NRXN1: variants seen among roughly 807,000 people sequenced by gnomAD.
The protein encoded by NRXN1 is neurexin 1.
Under a neutral mutation model 150.9 loss-of-function variants are expected in NRXN1, and 39 were observed. That is an observed-to-expected ratio of 0.26 (90% CI 0.20 to 0.34). NRXN1 has a LOEUF of 0.34. NRXN1 is among the 10% of genes least tolerant of loss of function. The pLI is 1.00. For missense variants in NRXN1, 1,815 were observed against 1,949.9 expected, an observed-to-expected ratio of 0.93 and a Z score of 1.30; for synonymous variants, 924 against 757.0, an observed-to-expected ratio of 1.22 and a Z score of -3.62.
intron 22 of NRXN1, among the ~76,000 whole-genome samples, chr2:49,937,068 T>A (rs1372510103): frequency 2.6e-5 from 4 of 152,198 alleles, no homozygotes; most frequent in African/African-American, 9.6e-5. Context: ...TTGGGAGCCA[T>A]CTCTTCGTAA....
chr2:50,717,891 G>A (rs973831441), intron 5 of NRXN1, among the ~76,000 whole-genome samples: 4 of 152,044 alleles, frequency 2.6e-5, no homozygotes, highest in Non-Finnish European at 5.9e-5. Flanking sequence ...ATTCATGAGG[G>A]TTTCACTCTC....
intron 2 of NRXN1, among the ~76,000 whole-genome samples, chr2:51,019,366 C>T (rs1178416905): frequency 2.0e-5 from 3 of 152,006 alleles, no homozygotes; most frequent in Non-Finnish European, 4.4e-5. Flanking sequence ...CTGCATAATG[C>T]CTTTCACTCG....
At chr2:49,988,338 G>A (rs1209390481) in intron 21 of NRXN1, among the ~76,000 whole-genome samples, 1 of 151,118 alleles carries the variant, frequency 6.6e-6, no homozygotes, top group Admixed American at 6.6e-5. Flanking sequence ...TGTACATACT[G>A]AAAAGAAGAC....
At chr2:50,201,797 T>C (rs2062185904) in intron 18 of NRXN1, among the ~76,000 whole-genome samples, 1 of 152,212 alleles carries the variant, frequency 6.6e-6, no homozygotes, top group Non-Finnish European at 1.5e-5. Flanking sequence ...TGACCCTGGC[T>C]ATAGACAGCC....
chr2:50,660,709 C>A (rs1559088883), intron 5 of NRXN1, among the ~76,000 whole-genome samples: 2 of 151,966 alleles, frequency 1.3e-5, no homozygotes, highest in South Asian at 2.1e-4. Flanking sequence ...AGGAAGCAGG[C>A]CAGTGCCATA....
At chr2:50,651,757 A>G (rs575547795) in intron 5 of NRXN1, among the ~76,000 whole-genome samples, 12 of 152,114 alleles carry the variant, frequency 7.9e-5, no homozygotes, top group African/African-American at 2.9e-4. Context: ...ATTACTCACA[A>G]TGATGGGATT....
At chr2:50,535,095 T>C (rs1449201871) in intron 10 of NRXN1, among the ~76,000 whole-genome samples, 1 of 152,104 alleles carries the variant, frequency 6.6e-6, no homozygotes, top group African/African-American at 2.4e-5. Context: ...ACAATTAGAG[T>C]TAATGTTTAA....
At chr2:50,250,974 T>TATGTAATAAATTTATTACATATG (rs1559172060) in intron 17 of NRXN1, among the ~76,000 whole-genome samples, 6 of 149,348 alleles carry the variant, frequency 4.0e-5, no homozygotes, top group African/African-American at 1.5e-4. Context: ...TATTACACAT[T>TATGTAATAAATTTATTACATATG]GCATATGTAA....
At chr2:50,967,831 C>G (rs745737170) in intron 2 of NRXN1, among the ~76,000 whole-genome samples, 9 of 151,814 alleles carry the variant, frequency 5.9e-5, no homozygotes, top group Non-Finnish European at 1.3e-4. Flanking sequence ...TTTGATGAGT[C>G]TGTGTTATTT....
At chr2:50,385,328 C>A (rs1194603114) in intron 17 of NRXN1, among the ~76,000 whole-genome samples, 1 of 152,198 alleles carries the variant, frequency 6.6e-6, no homozygotes, top group Admixed American at 6.5e-5. Context: ...CAATTTACTT[C>A]TCTCTGCAGT....
At chr2:50,319,164 A>C (rs951712764) in intron 17 of NRXN1, among the ~76,000 whole-genome samples, 11 of 152,240 alleles carry the variant, frequency 7.2e-5, no homozygotes, top group African/African-American at 2.6e-4. Flanking sequence ...CAGTGGAATA[A>C]TAATGACTCT....
chr2:50,045,850 T>C (rs529025281), intron 21 of NRXN1, among the ~76,000 whole-genome samples: 1 of 152,278 alleles, frequency 6.6e-6, no homozygotes, highest in Non-Finnish European at 1.5e-5. Context: ...CTTCATTCAA[T>C]ATCTCCAATG....
chr2:50,415,103 T>C (rs2083444940), intron 17 of NRXN1, among the ~76,000 whole-genome samples: 1 of 152,102 alleles, frequency 6.6e-6, no homozygotes, highest in Non-Finnish European at 1.5e-5. Context: ...GAATGGTACA[T>C]AGGAAGGACT....
intron 5 of NRXN1, among the ~76,000 whole-genome samples, chr2:50,728,397 G>GAA (rs1468709100): frequency 2.6e-5 from 4 of 152,136 alleles, no homozygotes; most frequent in Admixed American, 1.3e-4. Flanking sequence ...TTCTGAGTTT[G>GAA]AATTGCACAC....
intron 17 of NRXN1, among the ~76,000 whole-genome samples, chr2:50,428,078 T>C (rs1234088596): frequency 6.6e-6 from 1 of 152,118 alleles, no homozygotes; most frequent in Non-Finnish European, 1.5e-5. Flanking sequence ...GCCCAAATTC[T>C]TTAGGGGGAT....
At chr2:50,116,250 C>T (rs1045475000) in intron 18 of NRXN1, among the ~76,000 whole-genome samples, 1 of 151,786 alleles carries the variant, frequency 6.6e-6, no homozygotes, top group Non-Finnish European at 1.5e-5. Context: ...TATTGCAGGC[C>T]CTAATAAATG....
intron 2 of NRXN1, among the ~76,000 whole-genome samples, chr2:50,948,776 C>A (rs990305416): frequency 6.6e-6 from 1 of 152,020 alleles, no homozygotes; most frequent in Admixed American, 6.6e-5. Context: ...CTTCAAGATA[C>A]CACACTGCAT....
At chr2:50,206,590 C>T (rs547327241) in intron 18 of NRXN1, among the ~76,000 whole-genome samples, 1 of 151,872 alleles carries the variant, frequency 6.6e-6, no homozygotes, top group Non-Finnish European at 1.5e-5. Context: ...AATCACACCT[C>T]GGGACAGCAC....
intron 17 of NRXN1, among the ~76,000 whole-genome samples, chr2:50,290,893 G>A (rs114733665): frequency 9.9e-4 from 150 of 152,194 alleles, no homozygotes; most frequent in African/African-American, 3.3e-3. Context: ...GAGAGCTTTC[G>A]TCAAATGCGA....
Sources: gnomAD v4.1 joint callset for allele counts (sites outside exome capture counted in the v4.1 genomes callset) on GRCh38, gnomAD v4.1.1 for gene constraint, MANE v1.5 for transcripts, NCBI Gene and HGNC (gene_info 2026-07-23, HGNC 2026-07-21) for gene names.